Variants in USP37 observed in about 807,000 individuals in gnomAD.
USP37 encodes ubiquitin carboxyl-terminal hydrolase 37.
Under a neutral mutation model 124.0 loss-of-function variants are expected in USP37, and 27 were observed. The ratio of observed to expected loss-of-function variants is 0.22; its 90% CI spans 0.16 to 0.30. The LOEUF (loss-of-function observed/expected upper bound fraction) is 0.30. Among genes scored for constraint, USP37 ranks in the 10% least tolerant of loss-of-function variants. The probability of loss-of-function intolerance (pLI) is 1.00; values close to 1 mark genes in which losing one functional copy is unlikely to be tolerated. For synonymous variants in USP37, 365 were observed against 388.0 expected (o/e 0.94, Z 0.70); for missense variants, 889 against 1,140.4 (o/e 0.78, Z 3.17).
rs1362025042 is a variant in USP37, at chr2:218,452,708, G to A, written c.*2222C>T. 1 of 152,214 alleles carries A rather than the reference G, an allele frequency of 6.6e-6. No individual in the cohort carries two copies. Among genetic ancestry groups the A allele is most frequent in the African/African-American group, 2.4e-5 (1 of 41,458 alleles). The allele number at this position is 152,214 out of a possible 1,614,324, so 9.4% of individuals were successfully genotyped here. A position where few individuals can be genotyped will look rare whatever the true frequency, so the allele number is the denominator to read the frequency against. On this transcript the variant is annotated 3_prime_UTR_variant, in exon 26 of 26. Coordinates refer to ENST00000258399, the MANE Select transcript of USP37 (RefSeq NM_020935.3). ...TGAAAGCTATGAAAGCAATTCAAAT[G>A]AGGCTGCTTCATGAGGCAATCTAGA...
At chr2:218,461,046 C>T (rs548094797) in intron 22 of USP37, among the ~76,000 whole-genome samples, 31 of 152,200 alleles carry the variant, frequency 2.0e-4, no homozygotes, top group Non-Finnish European at 3.5e-4. Flanking sequence ...TAAACAAATA[C>T]AAGATCTGTA....
chr2:218,546,089 A>T, intron 8 of USP37, 132 bp downstream of exon 8: 1 of 735,518 alleles, frequency 1.4e-6, no homozygotes, highest in Non-Finnish European at 2.2e-6. Flanking sequence ...TCACCAAACT[A>T]CTTTACATTC....
chr2:218,523,005 G>C (rs958380066), intron 10 of USP37, among the ~76,000 whole-genome samples: 1 of 151,720 alleles, frequency 6.6e-6, no homozygotes, highest in Non-Finnish European at 1.5e-5. Flanking sequence ...GCTGGGCGCG[G>C]TGGCTTACGC....
At position 218,546,960 on chromosome 2, in the gene USP37, T is replaced by C. The variant is rs1350949270; in HGVS notation, c.561A>G (p.Thr187=). The change falls in exon 7 of 26, where the codon ACA becomes ACG. Residue 187 remains threonine, a synonymous_variant. Transcript: ENST00000258399. ...CTGATCTAAGAGGTGTTGAAGTAGA[T>C]GTCAAAGAAGGAATCGTCCGAGCTA... is the stretch of plus-strand genomic sequence containing the variant. ...SGIARTIPSL[T]STSTPLRSGL... 10 of 1,612,572 alleles carry C rather than the reference T, an allele frequency of 6.2e-6. No individual in the cohort carries two copies. The East Asian group carries it at 2.0e-4, about 32-fold the overall frequency.
intron 10 of USP37, among the ~76,000 whole-genome samples, chr2:218,519,077 A>G (rs1178679154): frequency 6.6e-6 from 1 of 152,248 alleles, no homozygotes; most frequent in Non-Finnish European, 1.5e-5. Context: ...ACAAATGACA[A>G]CCAAGTCTGC....
intron 9 of USP37, among the ~76,000 whole-genome samples, chr2:218,534,093 G>A (rs1691484053): frequency 6.6e-6 from 1 of 152,160 alleles, no homozygotes; most frequent in African/African-American, 2.4e-5. Flanking sequence ...GAAGAATAAG[G>A]TAAAGACTGG....
rs983288537 is a variant in USP37 at position 218,465,890 on chromosome 2, C to T, written c.2466+120G>A. The T allele has an allele frequency of 7.9e-6, 10 of 1,273,518 alleles. No homozygotes were observed. The South Asian group carries it at 1.2e-4, about 15-fold the overall frequency. 78.9% of individuals were successfully genotyped at this position (1,273,518 alleles called of 1,614,324 possible). On this transcript the variant is annotated intron_variant, in intron 21 of 25. Transcript: ENST00000258399. ...TCTTTTTTTTCCCCAATGACTTACT[C>T]TATGTAAATCATCTGGAACAATGTC...
In USP37 at chr2:218,495,875, T is replaced by C; in HGVS notation, c.1357A>G (p.Thr453Ala). Residue 453 changes from threonine (T) to alanine (A), a missense_variant, in exon 14 of 26, where the codon ACT (threonine) becomes GCT (alanine). Thr to Ala is a moderately conservative substitution (Grantham distance 58). Around this residue, in one of 3 missense-constraint regions of USP37, gnomAD observed 504 missense variants for 714.3 expected, o/e 0.71. Coordinates refer to ENST00000258399, the MANE Select transcript of USP37 (RefSeq NM_020935.3). ...DMEKLNKTWK[T>A]EPVSGEENSP... Reference sequence around the variant, plus strand: ...TTTTCTTCTCCAGAAACAGGTTCAGTCTTCCAAGTTTTATTTAATTTTTCC... The same window carrying C: ...TTTTCTTCTCCAGAAACAGGTTCAGCCTTCCAAGTTTTATTTAATTTTTCC... 1 of 1,613,962 alleles carries C rather than the reference T, an allele frequency of 6.2e-7. No homozygotes were observed. The highest frequency in any genetic ancestry group is 8.5e-7 in the Non-Finnish European group (1 of 1,180,024).
chr2:218,547,736 A>G (rs780991895), intron 6 of USP37, among the ~76,000 whole-genome samples: 87 of 152,300 alleles, frequency 5.7e-4, no homozygotes, highest in Non-Finnish European at 1.0e-3. Flanking sequence ...AATGCCAACA[A>G]AACAGTCATG....
chr2:218,530,598 T>C (rs1691270367), intron 9 of USP37, among the ~76,000 whole-genome samples: 1 of 152,168 alleles, frequency 6.6e-6, no homozygotes, highest in Non-Finnish European at 1.5e-5. Flanking sequence ...CTCTGTGTTT[T>C]TAAGTGAAAA....
chr2:218,531,961 C>T (rs484085), intron 9 of USP37, among the ~76,000 whole-genome samples: 92,168 of 152,086 alleles, frequency 0.61, 28,130 homozygotes, highest in East Asian at 0.78. Flanking sequence ...GAAATCTAAT[C>T]CTGGTAAAGA....
chr2:218,521,500 C>T (rs980820741), intron 10 of USP37, among the ~76,000 whole-genome samples: 2 of 152,036 alleles, frequency 1.3e-5, no homozygotes, highest in Non-Finnish European at 2.9e-5. Context: ...TGCCCTCCAT[C>T]CCCCAACAGG....
At chr2:218,566,528 T>C (rs11897730) in intron 1 of USP37, among the ~76,000 whole-genome samples, 126 of 152,300 alleles carry the variant, frequency 8.3e-4, no homozygotes, top group African/African-American at 2.6e-3. Flanking sequence ...GGAGAGTGAC[T>C]AAGAGCAAGA....
intron 8 of USP37, among the ~76,000 whole-genome samples, chr2:218,544,440 G>GAA (rs1559220801): frequency 6.5e-5 from 9 of 137,672 alleles, no homozygotes; most frequent in African/African-American, 2.6e-4. Context: ...TAGAGAGAGA[G>GAA]AGAGAGAGAG....
chr2:218,490,750 C>T (rs1002287634), intron 14 of USP37, among the ~76,000 whole-genome samples: 4 of 152,200 alleles, frequency 2.6e-5, no homozygotes, highest in South Asian at 2.1e-4. Context: ...TGAGCTGTCA[C>T]GCCTATGATG....
chr2:218,501,103 A>G (rs1019610479), intron 11 of USP37: 4 of 151,018 alleles, frequency 2.6e-5, no homozygotes, highest in Non-Finnish European at 5.9e-5. Context: ...CAGTGGCACA[A>G]TCTTGGCTCC....
chr2:218,460,748 C>G (rs192609646), intron 22 of USP37, among the ~76,000 whole-genome samples: 34 of 152,042 alleles, frequency 2.2e-4, no homozygotes, highest in Admixed American at 1.3e-4. Context: ...CAAGACCATC[C>G]TAGCCAACAT....
intron 8 of USP37, among the ~76,000 whole-genome samples, chr2:218,537,155 G>C (rs929711597): frequency 2.0e-5 from 3 of 152,108 alleles, no homozygotes; most frequent in Non-Finnish European, 4.4e-5. Flanking sequence ...TTAAAATGTC[G>C]CAAATTATTT....
chr2:218,528,550 T>G (rs1431728639), intron 10 of USP37: 1 of 374,174 alleles, frequency 2.7e-6, no homozygotes, highest in Non-Finnish European at 4.7e-6. Flanking sequence ...TGTGTCAGTT[T>G]GCTGAGAATG....
Sources: gnomAD v4.1 joint callset for allele counts (sites outside exome capture counted in the v4.1 genomes callset) on GRCh38, gnomAD v4.1.1 for gene constraint, gnomAD v4.1.1 regional missense constraint, MANE v1.5 for transcripts, NCBI Gene and HGNC (gene_info 2026-07-23, HGNC 2026-07-21) for gene names.